PRMT2: variants seen among roughly 807,000 people sequenced by gnomAD.
PRMT2 encodes the protein protein arginine N-methyltransferase 2.
PRMT2 carries 26 observed loss-of-function variants against 57.6 expected under a neutral mutation model. The observed-to-expected ratio is 0.45, with a 90% CI of 0.33 to 0.63. PRMT2 has a LOEUF of 0.63. Among genes scored for constraint, PRMT2 ranks in the 20% least tolerant of loss-of-function variants. The pLI, the probability that PRMT2 is intolerant of heterozygous loss-of-function variation, is 0.02. For missense variants in PRMT2, 472 were observed against 564.4 expected, an observed-to-expected ratio of 0.84 and a Z score of 1.66; for synonymous variants, 219 against 220.0, an observed-to-expected ratio of 1.00 and a Z score of 0.04.
At position 46,664,578 on chromosome 21, in the gene PRMT2, T is replaced by TA; in HGVS notation, c.*251_*252insA. 1.7e-6 allele frequency: 1 copy of TA among 579,866 alleles called. No individual in the cohort carries two copies. Among genetic ancestry groups the TA allele is most frequent in the East Asian group, 2.9e-5 (1 of 34,678 alleles). The allele number at this position is 579,866 out of a possible 1,614,324, so 35.9% of individuals were successfully genotyped here. A position where few individuals can be genotyped will look rare whatever the true frequency, so the allele number is the denominator to read the frequency against. ...TCTAGAAGTAGGCTGTGTTTCCAGGTGTTCACCCGTGGTGCCCACAGTGCC... is the reference window on the plus strand; with the variant it reads ...TCTAGAAGTAGGCTGTGTTTCCAGGTAGTTCACCCGTGGTGCCCACAGTGCC... On this transcript the variant is annotated 3_prime_UTR_variant, in exon 12 of 12. Coordinates refer to ENST00000355680, the MANE Select transcript of PRMT2 (RefSeq NM_206962.4).
chr21:46,636,829 G>A, intron 2 of PRMT2, 67 bp from the exon 3 acceptor site: 4 of 897,924 alleles, frequency 4.5e-6, no homozygotes, highest in Non-Finnish European at 6.7e-6. Context: ...CACATTAGAA[G>A]TTAAGTGAAC....
At chr21:46,663,361 C>T in intron 10 of PRMT2, 22 bp from the exon 11 acceptor site, 1 of 1,596,494 alleles carries the variant, frequency 6.3e-7, no homozygotes, top group Non-Finnish European at 8.6e-7. Flanking sequence ...GCCTCCAGGT[C>T]ACACGCACCC....
chr21:46,638,950 G>GA (rs2061221960), intron 3 of PRMT2, among the ~76,000 whole-genome samples: 1 of 152,090 alleles, frequency 6.6e-6, no homozygotes, highest in Non-Finnish European at 1.5e-5. Flanking sequence ...TATAACATCT[G>GA]AGAGGGAAGC....
Position 46,648,752 on chromosome 21 carries a change from C to T in PRMT2, c.489+133C>T, listed in dbSNP as rs1438207023. On this transcript the variant is annotated intron_variant, in intron 6 of 11. Transcript: ENST00000355680. The surrounding 1 kb of genome is among the most constrained non-coding windows in gnomAD (Gnocchi z 4.8). ...GGTGACTCCATGGTCTTGTTGAGCA[C>T]CCTGCACGTGGGGCTCAGGGTCGGT... 7 of 1,173,462 alleles carry T rather than the reference C, an allele frequency of 6.0e-6. No homozygotes were observed. The highest frequency in any genetic ancestry group is 8.4e-6 in the Non-Finnish European group (7 of 831,304). The allele number at this position is 1,173,462 out of a possible 1,614,324, so 72.7% of individuals were successfully genotyped here. A position where few individuals can be genotyped will look rare whatever the true frequency, so the allele number is the denominator to read the frequency against.
rs2061673918 is a variant in PRMT2, at chr21:46,664,384, G to A, written c.*57G>A. 1 of 1,611,576 alleles carries A rather than the reference G, an allele frequency of 6.2e-7. No individual in the cohort carries two copies. The highest frequency in any genetic ancestry group is 8.5e-7 in the Non-Finnish European group (1 of 1,177,978). ...ATATCTTGAGGGGTGATGAACACAA[G>A]CAAACCAAGTTGCACCTGGCTTCTG... On this transcript the variant is annotated 3_prime_UTR_variant, in exon 12 of 12. Coordinates refer to ENST00000355680, the MANE Select transcript of PRMT2 (RefSeq NM_206962.4).
At position 46,664,621 on chromosome 21, in the gene PRMT2, G is replaced by C. The variant is rs1360328417; in HGVS notation, c.*294G>C. ...ACAGTGCCGACCCGTGGCTGGGTCG[G>C]AGCTCCATGTTCCTAAGCTAGGTCT... On this transcript the variant is annotated 3_prime_UTR_variant, in exon 12 of 12. Coordinates refer to ENST00000355680, the MANE Select transcript of PRMT2 (RefSeq NM_206962.4). 3.9e-6 allele frequency: 2 copies of C among 510,754 alleles called. No individual in the cohort carries two copies. The highest frequency in any genetic ancestry group is 7.1e-6 in the Non-Finnish European group (2 of 281,620). The allele number at this position is 510,754 out of a possible 1,614,324, so 31.6% of individuals were successfully genotyped here.
At chr21:46,661,672 C>T (rs749861603) in intron 9 of PRMT2, 128 bp from the exon 10 acceptor site, 96 of 1,004,272 alleles carry the variant, frequency 9.6e-5, no homozygotes, top group Non-Finnish European at 1.1e-4. Context: ...TTTCCCCAGG[C>T]TGGGGGGCTT....
chr21:46,659,883 G>C (rs2061594688), intron 8 of PRMT2: 1 of 985,318 alleles, frequency 1.0e-6, no homozygotes, highest in Non-Finnish European at 1.2e-6. Context: ...ATGATATTTA[G>C]AAAGGGTTTA....
Position 46,660,851 on chromosome 21 carries a change from G to GTT in PRMT2, c.855_856dup (p.Ser286PhefsTer10). The GTT allele has an allele frequency of 6.2e-7, 1 of 1,614,016 alleles. No individual in the cohort carries two copies. The highest frequency in any genetic ancestry group is 1.7e-5 in the Admixed American group (1 of 59,984). ...CCCCTAGATCTTTAGCAGTTAAGGA[G>GTT]TTTTTTTCAAAGCCCAAGTATAACC... On this transcript the variant is annotated frameshift_variant, in exon 9 of 12. Coordinates refer to ENST00000355680, the MANE Select transcript of PRMT2 (RefSeq NM_206962.4). LOFTEE classifies it high-confidence loss of function.
At position 46,651,986 on chromosome 21, in the gene PRMT2, T is replaced by C. The variant is rs763474542; in HGVS notation, c.654+2247T>C. ...TCAGCCCTCAGGCCTTCATCTCTCC[T>C]GGCCCATCTTCCTACTCTGACGCTG... On this transcript the variant is annotated intron_variant, in intron 7 of 11. Transcript: ENST00000355680. 3 of 1,613,304 alleles carry C rather than the reference T, an allele frequency of 1.9e-6. No individual in the cohort carries two copies. The South Asian group carries it at 3.3e-5, about 18-fold the overall frequency.
intron 3 of PRMT2, chr21:46,643,279 A>T: frequency 2.2e-6 from 1 of 450,022 alleles, no homozygotes; most frequent in Non-Finnish European, 3.2e-6. Context: ...AATAGACACT[A>T]GTGGTGCCTG....
At chr21:46,653,794 T>G in intron 7 of PRMT2, 1 of 1,085,276 alleles carries the variant, frequency 9.2e-7, no homozygotes, top group Non-Finnish European at 1.1e-6. Context: ...GACATCTTTT[T>G]CAGGAAACAT....
chr21:46,659,513 G>T lies in PRMT2; in HGVS notation c.830+593G>T. 6 of 972,062 alleles carry T rather than the reference G, an allele frequency of 6.2e-6. No homozygotes were observed. The South Asian group carries it at 2.4e-4, about 39-fold the overall frequency. 60.2% of individuals were successfully genotyped at this position (972,062 alleles called of 1,614,324 possible). On this transcript the variant is annotated intron_variant, in intron 8 of 11. Coordinates refer to ENST00000355680, the MANE Select transcript of PRMT2 (RefSeq NM_206962.4). ...GAATTGCAGCCCAATCATGTGAACA[G>T]GCAAACCGCAAAAAATAAATAAAAT...
intron 7 of PRMT2, among the ~76,000 whole-genome samples, chr21:46,655,678 A>G (rs1343548377): frequency 6.6e-6 from 1 of 152,218 alleles, no homozygotes; most frequent in South Asian, 2.1e-4. Flanking sequence ...AGTCATTTTT[A>G]TATCTTAGCA....
At chr21:46,653,392 A>G (rs2148991144) in intron 7 of PRMT2, 1 of 985,458 alleles carries the variant, frequency 1.0e-6, no homozygotes, top group East Asian at 1.1e-4. Flanking sequence ...ACATATTTAT[A>G]GAATGTGTGG....
chr21:46,645,952 G>A (rs1384918723), intron 5 of PRMT2, among the ~76,000 whole-genome samples: 2 of 152,134 alleles, frequency 1.3e-5, no homozygotes, highest in African/African-American at 4.8e-5. Flanking sequence ...GGCCTCAAGT[G>A]ATCCTCCTGT....
In PRMT2 at chr21:46,664,641, A is replaced by AC; in HGVS notation, c.*314_*315insC. On this transcript the variant is annotated 3_prime_UTR_variant, in exon 12 of 12. Transcript: ENST00000355680. ...GGTCGGAGCTCCATGTTCCTAAGCT[A>AC]GGTCTAGGTCTACACTCCTAGGACG... 8.5e-6 allele frequency: 4 copies of AC among 467,876 alleles called. No individual in the cohort carries two copies. In the South Asian group the frequency reaches 9.4e-5, roughly 11 times the overall value. 29.0% of individuals were successfully genotyped at this position (467,876 alleles called of 1,614,324 possible).
At chr21:46,651,764 G>T (rs758702109) in intron 7 of PRMT2, 1 of 1,606,196 alleles carries the variant, frequency 6.2e-7, no homozygotes, top group South Asian at 1.1e-5. Flanking sequence ...GAATCTGGGA[G>T]TCGTTGGTGC....
rs536939003 is a variant in PRMT2 at position 46,650,724 on chromosome 21, C to T, written c.654+985C>T. On this transcript the variant is annotated intron_variant, in intron 7 of 11. Transcript: ENST00000355680. Reference sequence around the variant, plus strand: ...AGCAGGAGTGAGGCTGTGGTGAGGCCAAGGTTGTGTGGGCGGTGATACGGG... The same window carrying T: ...AGCAGGAGTGAGGCTGTGGTGAGGCTAAGGTTGTGTGGGCGGTGATACGGG... 2.0e-4 allele frequency among the ~76,000 whole-genome samples: 30 copies of T among 152,202 alleles called. No individual in the cohort carries two copies. The South Asian group carries it at 6.2e-3, about 32-fold the overall frequency.
Sources: gnomAD v4.1 joint callset for allele counts (sites outside exome capture counted in the v4.1 genomes callset) on GRCh38, gnomAD v4.1.1 for gene constraint, Gnocchi (gnomAD v3.1) non-coding constraint, MANE v1.5 for transcripts, NCBI Gene and HGNC (gene_info 2026-07-23, HGNC 2026-07-21) for gene names.